The following CTNND2 variants were observed in gnomAD, a reference collection of about 807,000 sequenced individuals.
The protein encoded by CTNND2 is catenin delta 2, also known as catenin delta-2.
In CTNND2, 22 loss-of-function variants were observed where a neutral mutation model predicts 144.4. That is an observed-to-expected ratio of 0.15 (90% CI 0.11 to 0.22). The LOEUF (loss-of-function observed/expected upper bound fraction) is 0.22, where lower values mean the gene tolerates loss of function less well. Ranked by LOEUF, CTNND2 falls within the 10% of genes least tolerant of loss-of-function variation. The pLI is 1.00. For synonymous variants in CTNND2, 751 were observed against 695.6 expected, an observed-to-expected ratio of 1.08 and a Z score of -1.25; for missense variants, 1,353 against 1,618.8, an observed-to-expected ratio of 0.84 and a Z score of 2.82.
chr5:11,480,540 C>T (rs578033045), intron 3 of CTNND2, among the ~76,000 whole-genome samples: 10 of 152,206 alleles, frequency 6.6e-5, no homozygotes, highest in South Asian at 2.1e-4. Context: ...TCTTTTCTAA[C>T]GCGATTCAGT....
chr5:11,814,565 G>A (rs1404314967), intron 1 of CTNND2, among the ~76,000 whole-genome samples: 1 of 152,246 alleles, frequency 6.6e-6, no homozygotes, highest in African/African-American at 2.4e-5. Flanking sequence ...GAAAAGGAAA[G>A]TGAGTGGCTC....
At chr5:11,102,432 T>C (rs1751990499) in intron 14 of CTNND2, among the ~76,000 whole-genome samples, 1 of 152,130 alleles carries the variant, frequency 6.6e-6, no homozygotes. Context: ...AACTGAGTAA[T>C]TGAGAATTAG....
intron 18 of CTNND2, among the ~76,000 whole-genome samples, chr5:11,012,831 C>T (rs1741229665): frequency 1.3e-5 from 2 of 152,192 alleles, no homozygotes; most frequent in South Asian, 4.1e-4. Flanking sequence ...GTCTATTCTC[C>T]TCTGCTTCAA....
intron 9 of CTNND2, among the ~76,000 whole-genome samples, chr5:11,310,298 A>C (rs1479620030): frequency 6.6e-6 from 1 of 152,012 alleles, no homozygotes; most frequent in Admixed American, 6.5e-5. Flanking sequence ...CCTGGCACCT[A>C]GTAGGTGTTC....
rs148052634 is a variant in CTNND2, at chr5:11,249,428, C to G, written c.1629-12605G>C. Among the ~76,000 whole-genome samples, 100 of 152,202 alleles carry G rather than the reference C, an allele frequency of 6.6e-4. 1 individual carries two copies. The highest frequency in any genetic ancestry group is 6.2e-3 in the South Asian group (30 of 4,816). ...TGTGTCTTGGGAAGATTCAAAGGAG[C>G]AAGGCTTTGTTCTGGATTGGGTGCT... On this transcript the variant is annotated intron_variant, in intron 9 of 21. Coordinates refer to ENST00000304623, the MANE Select transcript of CTNND2 (RefSeq NM_001332.4).
intron 3 of CTNND2, among the ~76,000 whole-genome samples, chr5:11,480,858 T>C (rs1286453865): frequency 6.6e-6 from 1 of 152,112 alleles, no homozygotes; most frequent in Non-Finnish European, 1.5e-5. Context: ...TCTTGTGTTG[T>C]TTCTTTCCAA....
chr5:11,290,964 G>A (rs572767780), intron 9 of CTNND2, among the ~76,000 whole-genome samples: 5 of 152,262 alleles, frequency 3.3e-5, no homozygotes, highest in Admixed American at 6.5e-5. Flanking sequence ...GAGTTAACAC[G>A]TCACCTATAT....
Position 11,876,506 on chromosome 5 carries a change from G to A in CTNND2, c.37+27311C>T, listed in dbSNP as rs62337759. On this transcript the variant is annotated intron_variant, in intron 1 of 21. Transcript: ENST00000304623. The stretch of plus-strand genomic sequence containing the variant: ...GGTTAAAATCAATATAATCATATTC[G>A]CAACAAATTGACTGTGTATGTATAC... Among the ~76,000 whole-genome samples the A allele has an allele frequency of 8.0e-4, 121 of 151,940 alleles. 1 individual carries two copies. The highest frequency in any genetic ancestry group is 5.4e-3 in the Admixed American group (83 of 15,234).
In CTNND2 at chr5:11,333,909, C is replaced by T. The variant is rs181719944; in HGVS notation, c.1628+12463G>A. 1.7e-3 allele frequency among the ~76,000 whole-genome samples: 252 copies of T among 152,314 alleles called. 1 individual carries two copies. The highest frequency in any genetic ancestry group is 5.5e-3 in the African/African-American group (227 of 41,564). On this transcript the variant is annotated intron_variant, in intron 9 of 21. Coordinates refer to ENST00000304623, the MANE Select transcript of CTNND2 (RefSeq NM_001332.4). ...CATACGGGCCAGCTCTGCTTCATTT[C>T]GGGCGGGAAGACAGAAAGGTGTGAA...
chr5:11,564,681 G>T (rs995900236), intron 3 of CTNND2, among the ~76,000 whole-genome samples: 1 of 151,770 alleles, frequency 6.6e-6, no homozygotes, highest in Non-Finnish European at 1.5e-5. Flanking sequence ...CCAGCAAGCT[G>T]GCTGAATGCA....
intron 15 of CTNND2, among the ~76,000 whole-genome samples, chr5:11,091,458 T>G (rs1187600713): frequency 6.6e-6 from 1 of 152,228 alleles, no homozygotes; most frequent in East Asian, 1.9e-4. Flanking sequence ...TTTCATTTAT[T>G]TATTTTTCTC....
chr5:11,791,075 C>A (rs1234059654), intron 1 of CTNND2, among the ~76,000 whole-genome samples: 1 of 152,086 alleles, frequency 6.6e-6, no homozygotes, highest in African/African-American at 2.4e-5. Context: ...CAGAGGCGGA[C>A]AGTGGAGCAA....
intron 11 of CTNND2, among the ~76,000 whole-genome samples, chr5:11,192,206 T>C (rs969018868): frequency 1.3e-5 from 2 of 152,146 alleles, no homozygotes; most frequent in African/African-American, 2.4e-5. Flanking sequence ...GAGTGGGAAA[T>C]GCATCATGCC....
chr5:11,254,471 A>G lies in CTNND2; in HGVS notation c.1629-17648T>C, dbSNP rs149848833. Among the ~76,000 whole-genome samples the G allele has an allele frequency of 8.0e-4, 122 of 152,234 alleles. 1 individual carries two copies. The East Asian group carries it at 0.021, about 26-fold the overall frequency. The stretch of plus-strand genomic sequence containing the variant: ...TCCTACCTTGCACAATAGAACTGGG[A>G]ACTCTCAAATTTTCTGGTGCTCTTT... On this transcript the variant is annotated intron_variant, in intron 9 of 21. Transcript: ENST00000304623.
chr5:11,419,028 ATATATAGATATATAGATAGACATC>A (rs1215508789), intron 3 of CTNND2, among the ~76,000 whole-genome samples: 2 of 142,414 alleles, frequency 1.4e-5, no homozygotes, highest in Non-Finnish European at 3.0e-5. Context: ...ATGTCTATCT[ATATATAGATATATAGATAGACATC>A]TATATAGATA....
chr5:11,042,197 T>G (rs968761853), intron 16 of CTNND2, among the ~76,000 whole-genome samples: 1 of 152,208 alleles, frequency 6.6e-6, no homozygotes, highest in Non-Finnish European at 1.5e-5. Flanking sequence ...CACACAGATC[T>G]TTACACCACA....
intron 1 of CTNND2, among the ~76,000 whole-genome samples, chr5:11,792,848 A>G (rs958817989): frequency 2.0e-5 from 3 of 152,230 alleles, no homozygotes; most frequent in African/African-American, 7.2e-5. Flanking sequence ...GCCAGATTCC[A>G]TTCACAGCCA....
chr5:11,221,088 T>C (rs1739745720), intron 10 of CTNND2, among the ~76,000 whole-genome samples: 1 of 152,160 alleles, frequency 6.6e-6, no homozygotes, highest in Non-Finnish European at 1.5e-5. Context: ...GTTTGGAGCA[T>C]GGTTAAAAAG....
intron 16 of CTNND2, among the ~76,000 whole-genome samples, chr5:11,023,257 A>G (rs777969796): frequency 1.3e-5 from 2 of 152,136 alleles, no homozygotes; most frequent in African/African-American, 4.8e-5. Flanking sequence ...AGTTTTTTCA[A>G]TCTCTAAAGG....
Sources: gnomAD v4.1 joint callset for allele counts (sites outside exome capture counted in the v4.1 genomes callset) on GRCh38, gnomAD v4.1.1 for gene constraint, MANE v1.5 for transcripts, NCBI Gene and HGNC (gene_info 2026-07-23, HGNC 2026-07-21) for gene names.